The following NBDY variants were observed in gnomAD, a reference collection of about 807,000 sequenced individuals.
The protein encoded by NBDY is negative regulator of P-body association.
chrX:56,787,885 C>T (rs1006868181), intron 2 of NBDY, among the ~76,000 whole-genome samples: 16 of 112,670 alleles, frequency 1.4e-4, no homozygotes, highest in African/African-American at 5.2e-4. Context: ...CCCAAGTTGG[C>T]AAACTCTACC....
chrX:56,793,229 C>T (rs903240515), intron 2 of NBDY, among the ~76,000 whole-genome samples: 1 of 112,412 alleles, frequency 8.9e-6, no homozygotes, highest in Non-Finnish European at 1.9e-5. Flanking sequence ...GAGTGGCCAG[C>T]GCCTTGTCCT....
chrX:56,756,073 T>C (rs1171962225), intron 2 of NBDY, among the ~76,000 whole-genome samples: 1 of 96,957 alleles, frequency 1.0e-5, no homozygotes, highest in Non-Finnish European at 2.0e-5. Context: ...TTCTCACTCA[T>C]AGGTGGGAAT....
At chrX:56,767,532 G>C (rs1331210357) in intron 2 of NBDY, among the ~76,000 whole-genome samples, 16 of 112,734 alleles carry the variant, frequency 1.4e-4, no homozygotes, top group African/African-American at 4.5e-4. Flanking sequence ...CGCCGCGCTT[G>C]CGGGCCACCG....
chrX:56,804,309 C>T (rs528765030), intron 2 of NBDY, among the ~76,000 whole-genome samples: 1 of 111,964 alleles, frequency 8.9e-6, no homozygotes, highest in African/African-American at 3.2e-5. Context: ...AGGTGTCTGT[C>T]AGGATGAGAC....
At chrX:56,743,933 A>G (rs1451519245) in intron 2 of NBDY, among the ~76,000 whole-genome samples, 1 of 110,148 alleles carries the variant, frequency 9.1e-6, no homozygotes. Context: ...CTAAACTTAT[A>G]TATAACTAAA....
At chrX:56,815,782 A>G (rs760488909) in intron 2 of NBDY, among the ~76,000 whole-genome samples, 8 of 112,133 alleles carry the variant, frequency 7.1e-5, no homozygotes, top group Non-Finnish European at 1.3e-4. Context: ...TGTGTATAAT[A>G]CAAACTCATT....
At chrX:56,808,896 TAGTGCTATA>T (rs1178345911) in intron 2 of NBDY, among the ~76,000 whole-genome samples, 5 of 112,965 alleles carry the variant, frequency 4.4e-5, no homozygotes, top group African/African-American at 1.6e-4. Context: ...TGTGGGCATT[TAGTGCTATA>T]AGTTTCCCTC....
chrX:56,761,694 C>T (rs1001343498), intron 2 of NBDY, among the ~76,000 whole-genome samples: 2 of 113,134 alleles, frequency 1.8e-5, no homozygotes, highest in African/African-American at 6.4e-5. Flanking sequence ...TCAGGATTCG[C>T]CTGGAAGGCA....
At chrX:56,767,830 C>T (rs2069675523) in intron 2 of NBDY, among the ~76,000 whole-genome samples, 1 of 81,167 alleles carries the variant, frequency 1.2e-5, no homozygotes, top group East Asian at 4.0e-4. Flanking sequence ...TTCTGGAAAC[C>T]GGAGGCTGTA....
intron 2 of NBDY, among the ~76,000 whole-genome samples, chrX:56,781,397 G>A (rs745612055): frequency 8.9e-6 from 1 of 111,886 alleles, no homozygotes; most frequent in South Asian, 3.8e-4. Context: ...GGGCAGCAGG[G>A]AACAGGGCAG....
At chrX:56,810,013 A>G (rs943467507) in intron 2 of NBDY, among the ~76,000 whole-genome samples, 1 of 111,035 alleles carries the variant, frequency 9.0e-6, no homozygotes, top group Non-Finnish European at 1.9e-5. Flanking sequence ...TGCCTATGAA[A>G]CTTAGTTTGG....
At chrX:56,805,540 T>TG (rs2069844614) in intron 2 of NBDY, among the ~76,000 whole-genome samples, 1 of 112,139 alleles carries the variant, frequency 8.9e-6, no homozygotes, top group African/African-American at 3.2e-5. Context: ...TCCCTATCTG[T>TG]GTGGCTTTCC....
chrX:56,743,560 T>C (rs990887235), intron 2 of NBDY, among the ~76,000 whole-genome samples: 9 of 111,205 alleles, frequency 8.1e-5, no homozygotes, highest in African/African-American at 2.9e-4. Flanking sequence ...TTCCACTTTA[T>C]TGGCATATAG....
chrX:56,781,296 T>G (rs2146727407), intron 2 of NBDY, among the ~76,000 whole-genome samples: 1 of 111,946 alleles, frequency 8.9e-6, no homozygotes, highest in East Asian at 2.8e-4. Context: ...GTTGTTAAGC[T>G]TTCACGTTCC....
At position 56,739,238 on chromosome X, in the gene NBDY, G is replaced by GTATATATA. The variant is rs1198957018; in HGVS notation, c.*166+7057_*166+7064dup. The stretch of plus-strand genomic sequence containing the variant: ...TACATATATATGTGTGTTTGTGTGT[G>GTATATATA]TATATATATATATATATATATATAT... On this transcript the variant is annotated intron_variant, in intron 2 of 2. Transcript: ENST00000374922. Among the ~76,000 whole-genome samples, 196 of 59,596 alleles carry GTATATATA rather than the reference G, an allele frequency of 3.3e-3. 2 individuals are homozygous for GTATATATA. Among genetic ancestry groups the GTATATATA allele is most frequent in the African/African-American group, 9.6e-3 (137 of 14,242 alleles). The allele number at this position is 59,596 out of a possible 115,157, so 51.8% of individuals were successfully genotyped here. A position where few individuals can be genotyped will look rare whatever the true frequency, so the allele number is the denominator to read the frequency against.
intron 2 of NBDY, among the ~76,000 whole-genome samples, chrX:56,735,466 A>G (rs376173340): frequency 3.6e-5 from 4 of 111,928 alleles, no homozygotes; most frequent in East Asian, 2.8e-4. Flanking sequence ...TTATACCTCA[A>G]TCTTGGTCCA....
chrX:56,781,363 G>A (rs1200332964), intron 2 of NBDY, among the ~76,000 whole-genome samples: 1 of 111,847 alleles, frequency 8.9e-6, no homozygotes, highest in Non-Finnish European at 1.9e-5. Context: ...TGCTGATGGA[G>A]TGTGCGGGAT....
At chrX:56,793,835 C>G (rs1199011360) in intron 2 of NBDY, among the ~76,000 whole-genome samples, 5 of 111,240 alleles carry the variant, frequency 4.5e-5, no homozygotes, top group African/African-American at 1.6e-4. Flanking sequence ...CAGAAAATGG[C>G]TTCCCCTGGC....
chrX:56,736,501 G>T (rs1448377200), intron 2 of NBDY, among the ~76,000 whole-genome samples: 1 of 111,440 alleles, frequency 9.0e-6, no homozygotes, highest in Non-Finnish European at 1.9e-5. Context: ...CCTGACCTCA[G>T]GAGATCTGCC....
Sources: gnomAD v4.1 joint callset for allele counts (sites outside exome capture counted in the v4.1 genomes callset) on GRCh38, gnomAD v4.1.1 for gene constraint, MANE v1.5 for transcripts, NCBI Gene and HGNC (gene_info 2026-07-23, HGNC 2026-07-21) for gene names.